Variants in MAGI2 observed in about 807,000 individuals in gnomAD.
MAGI2 encodes the protein membrane-associated guanylate kinase, WW and PDZ domain-containing protein 2.
MAGI2 carries 35 observed loss-of-function variants against 133.3 expected under a neutral mutation model. The observed-to-expected ratio is 0.26, with a 90% confidence interval of 0.20 to 0.35. The LOEUF is 0.35. Among genes scored for constraint, MAGI2 ranks in the 10% least tolerant of loss-of-function variants. MAGI2 has a pLI of 1.00. For missense variants in MAGI2, 1,636 were observed against 1,863.4 expected, an observed-to-expected ratio of 0.88 and a Z score of 2.25; for synonymous variants, 729 against 710.6, an observed-to-expected ratio of 1.03 and a Z score of -0.41.
chr7:78,165,330 AAT>A (rs1165434838), intron 15 of MAGI2, among the ~76,000 whole-genome samples: 1 of 150,000 alleles, frequency 6.7e-6, no homozygotes, highest in Non-Finnish European at 1.5e-5. Flanking sequence ...TTCTCAAAAA[AAT>A]TTTTTGCCTT....
At chr7:78,126,903 G>A (rs904629646) in intron 19 of MAGI2, among the ~76,000 whole-genome samples, 35 of 152,154 alleles carry the variant, frequency 2.3e-4, no homozygotes, top group Admixed American at 9.2e-4. Context: ...ACAAGGAAAC[G>A]TACAAGGAGT....
chr7:78,991,552 T>A (rs1805784525), intron 2 of MAGI2, among the ~76,000 whole-genome samples: 1 of 151,696 alleles, frequency 6.6e-6, no homozygotes, highest in Non-Finnish European at 1.5e-5. Context: ...AGTTATATAA[T>A]CCTGGGATAC....
chr7:78,402,374 T>TGG (rs995959045), intron 6 of MAGI2, among the ~76,000 whole-genome samples: 15 of 149,356 alleles, frequency 1.0e-4, no homozygotes, highest in Non-Finnish European at 1.3e-4. Flanking sequence ...TGTATCCACC[T>TGG]GGGGTGTGTG....
Position 78,627,248 on chromosome 7 carries a change from AG to A in MAGI2, c.419-10del. 6.5e-7 allele frequency: 1 copy of A among 1,527,786 alleles called. No homozygotes were observed. Among genetic ancestry groups the A allele is most frequent in the Non-Finnish European group, 8.8e-7 (1 of 1,142,460 alleles). 94.6% of individuals were successfully genotyped at this position (1,527,786 alleles called of 1,614,324 possible). The stretch of plus-strand genomic sequence containing the variant: ...ATGTGGCCTTGTGGTGCCTGAATAA[AG>A]AAAAGTAAAAACAAAAGAAAGACGC... On this transcript the variant is annotated splice_polypyrimidine_tract_variant and intron_variant, in intron 2 of 21. Coordinates refer to ENST00000354212, the MANE Select transcript of MAGI2 (RefSeq NM_012301.4).
intron 2 of MAGI2, among the ~76,000 whole-genome samples, chr7:78,700,184 A>G (rs974367716): frequency 1.3e-5 from 2 of 152,170 alleles, no homozygotes; most frequent in African/African-American, 4.8e-5. Context: ...AAGTCAGATT[A>G]CATTTGACTA....
At chr7:79,371,954 T>A (rs745671722) in intron 1 of MAGI2, among the ~76,000 whole-genome samples, 1 of 148,882 alleles carries the variant, frequency 6.7e-6, no homozygotes, top group Non-Finnish European at 1.5e-5. Context: ...AAGAGCATTA[T>A]ACTGAACATT....
chr7:78,837,302 C>G (rs1791716687), intron 2 of MAGI2, among the ~76,000 whole-genome samples: 1 of 152,126 alleles, frequency 6.6e-6, no homozygotes, highest in Admixed American at 6.6e-5. Context: ...CGTCTTTAAG[C>G]CTATCCTACT....
chr7:79,431,851 T>C (rs572786933), intron 1 of MAGI2, among the ~76,000 whole-genome samples: 1 of 152,228 alleles, frequency 6.6e-6, no homozygotes, highest in Non-Finnish European at 1.5e-5. Flanking sequence ...TTTAGCAATA[T>C]AGCAAAGTGG....
At chr7:78,996,750 A>T (rs1406644210) in intron 2 of MAGI2, among the ~76,000 whole-genome samples, 2 of 152,206 alleles carry the variant, frequency 1.3e-5, no homozygotes, top group African/African-American at 4.8e-5. Context: ...CATTCCCTGT[A>T]GTTGCCAATT....
At chr7:78,955,761 CT>C (rs1554310381) in intron 2 of MAGI2, among the ~76,000 whole-genome samples, 1 of 70,414 alleles carries the variant, frequency 1.4e-5, no homozygotes, top group Non-Finnish European at 3.2e-5. Flanking sequence ...TTCTTTCTTT[CT>C]TTCTTTCTTT....
At chr7:78,560,699 G>A (rs1353263676) in intron 3 of MAGI2, among the ~76,000 whole-genome samples, 1 of 152,152 alleles carries the variant, frequency 6.6e-6, no homozygotes, top group African/African-American at 2.4e-5. Flanking sequence ...GCAGAGCTGG[G>A]TTTGAATTTC....
At chr7:78,302,321 A>G (rs965960736) in intron 9 of MAGI2, among the ~76,000 whole-genome samples, 6 of 152,194 alleles carry the variant, frequency 3.9e-5, no homozygotes, top group African/African-American at 1.4e-4. Context: ...AAAAATTCAA[A>G]GAGCAGTTTT....
intron 10 of MAGI2, among the ~76,000 whole-genome samples, chr7:78,228,034 A>G (rs890116258): frequency 1.3e-5 from 2 of 152,236 alleles, no homozygotes; most frequent in African/African-American, 4.8e-5. Flanking sequence ...TCACAATGCA[A>G]AAGCAGCCAT....
intron 1 of MAGI2, among the ~76,000 whole-genome samples, chr7:79,318,677 TACG>T (rs755621230): frequency 6.6e-6 from 1 of 152,222 alleles, no homozygotes; most frequent in Non-Finnish European, 1.5e-5. Flanking sequence ...TCTCTTGTAC[TACG>T]TATTAGTTTT....
At chr7:79,072,140 C>G (rs1313487378) in intron 1 of MAGI2, among the ~76,000 whole-genome samples, 1 of 152,036 alleles carries the variant, frequency 6.6e-6, no homozygotes, top group Non-Finnish European at 1.5e-5. Context: ...CAACCAGTCT[C>G]AATGAAATGA....
chr7:78,559,181 G>GAAAAAAAAAAAAA (rs1800158460), intron 3 of MAGI2, among the ~76,000 whole-genome samples: 1 of 19,400 alleles, frequency 5.2e-5, no homozygotes, highest in Non-Finnish European at 1.1e-4. Context: ...AAAAAGAAAA[G>GAAAAAAAAAAAAA]AAAAGAAAAG....
intron 3 of MAGI2, among the ~76,000 whole-genome samples, chr7:78,597,025 A>G (rs1473236616): frequency 1.3e-5 from 2 of 152,160 alleles, no homozygotes; most frequent in Non-Finnish European, 1.5e-5. Flanking sequence ...GGAAGTGGGG[A>G]AAAAAAGTTG....
intron 9 of MAGI2, among the ~76,000 whole-genome samples, chr7:78,341,563 A>G (rs888998039): frequency 2.0e-5 from 3 of 152,214 alleles, no homozygotes; most frequent in African/African-American, 7.2e-5. Flanking sequence ...CAACTATACT[A>G]TAAGGCTACA....
At position 78,255,926 on chromosome 7, in the gene MAGI2, G is replaced by A; in HGVS notation, c.2047+17C>T. The A allele has an allele frequency of 6.2e-7, 1 of 1,611,478 alleles. No individual in the cohort carries two copies. Among genetic ancestry groups the A allele is most frequent in the African/African-American group, 1.3e-5 (1 of 74,938 alleles). ...TTTTACCCACATATTTTATTGCTGA[G>A]CCAGTGTTTGTCTTACCTCCTCGAT... On this transcript the variant is annotated intron_variant, in intron 10 of 21. Transcript: ENST00000354212.
Sources: gnomAD v4.1 joint callset for allele counts (sites outside exome capture counted in the v4.1 genomes callset) on GRCh38, gnomAD v4.1.1 for gene constraint, MANE v1.5 for transcripts, NCBI Gene and HGNC (gene_info 2026-07-23, HGNC 2026-07-21) for gene names.